The following BAIAP2 variants were observed in gnomAD, a reference collection of about 807,000 sequenced individuals.
The protein encoded by BAIAP2 is BAR/IMD domain containing adaptor protein 2.
Under a neutral mutation model 63.0 loss-of-function variants are expected in BAIAP2, and 18 were observed. The ratio of observed to expected loss-of-function variants is 0.29; its 90% CI spans 0.20 to 0.42. BAIAP2 has a LOEUF of 0.42. Among genes scored for constraint, BAIAP2 ranks in the 10% least tolerant of loss-of-function variants. BAIAP2 has a pLI of 1.00. For missense variants in BAIAP2, 610 were observed against 734.3 expected (o/e 0.83, Z 1.96); for synonymous variants, 386 against 307.6 (o/e 1.25, Z -2.67).
intron 1 of BAIAP2, among the ~76,000 whole-genome samples, chr17:81,043,994 C>T (rs181683294): frequency 6.6e-6 from 1 of 152,352 alleles, no homozygotes; most frequent in East Asian, 1.9e-4. Context: ...ACAGAAAGTT[C>T]TTCAGAGATC....
chr17:81,116,242 C>G lies in BAIAP2; in HGVS notation c.*403C>G. ...TCTCCTGCACCAGGTGTGATCTGTC[C>G]GCCCAAGGGCCAGAAGGCCGGGAGC... On this transcript the variant is annotated 3_prime_UTR_variant, in exon 14 of 14. Coordinates refer to ENST00000428708, the MANE Select transcript of BAIAP2 (RefSeq NM_001144888.2). The G allele has an allele frequency of 6.2e-7, 1 of 1,612,770 alleles. No homozygotes were observed. The highest frequency in any genetic ancestry group is 2.2e-5 in the East Asian group (1 of 44,892).
intron 6 of BAIAP2, among the ~76,000 whole-genome samples, chr17:81,093,962 G>C (rs1333308867): frequency 7.7e-6 from 1 of 129,302 alleles, no homozygotes. Context: ...GAGGACAGCC[G>C]TGTGGCCATG....
chr17:81,111,670 A>G (rs2059943818), intron 13 of BAIAP2, among the ~76,000 whole-genome samples: 1 of 152,160 alleles, frequency 6.6e-6, no homozygotes, highest in Non-Finnish European at 1.5e-5. Context: ...GTCTGAGTCC[A>G]TTTCCTCACG....
chr17:81,084,571 C>T (rs937148602), intron 3 of BAIAP2, among the ~76,000 whole-genome samples: 2 of 152,190 alleles, frequency 1.3e-5, no homozygotes, highest in African/African-American at 4.8e-5. Flanking sequence ...TCCTGTCTCT[C>T]GCCTTTGCAG....
chr17:81,081,297 C>T (rs559026205), intron 3 of BAIAP2, among the ~76,000 whole-genome samples: 39 of 152,310 alleles, frequency 2.6e-4, no homozygotes, highest in African/African-American at 6.7e-4. Context: ...CTGCCTCCCC[C>T]GGGGTCCCAC....
At chr17:81,072,004 T>C (rs953119463) in intron 3 of BAIAP2, among the ~76,000 whole-genome samples, 10 of 152,170 alleles carry the variant, frequency 6.6e-5, no homozygotes, top group African/African-American at 1.9e-4. Flanking sequence ...GCTTCCGGCC[T>C]CCCCGGCCTT....
rs2060573526 is a variant in BAIAP2 at position 81,117,285 on chromosome 17, C to G, written c.*1446C>G. 1 of 152,228 alleles carries G rather than the reference C, an allele frequency of 6.6e-6. No homozygotes were observed. The highest frequency in any genetic ancestry group is 2.4e-5 in the African/African-American group (1 of 41,446). The allele number at this position is 152,228 out of a possible 1,614,324, so 9.4% of individuals were successfully genotyped here. ...ATCATCGGCAGACCTCAGAAGACAA[C>G]ACACAAAGGTTTCTTTTGTCTTAGC... On this transcript the variant is annotated 3_prime_UTR_variant, in exon 14 of 14. Coordinates refer to ENST00000428708, the MANE Select transcript of BAIAP2 (RefSeq NM_001144888.2).
chr17:81,113,422 A>G (rs1278561125), intron 13 of BAIAP2, among the ~76,000 whole-genome samples: 1 of 152,246 alleles, frequency 6.6e-6, no homozygotes, highest in Non-Finnish European at 1.5e-5. Flanking sequence ...CTTGGGCTGC[A>G]GACTTTGTCA....
At chr17:81,062,276 G>C (rs575960160) in intron 3 of BAIAP2, among the ~76,000 whole-genome samples, 1 of 150,894 alleles carries the variant, frequency 6.6e-6, no homozygotes, top group South Asian at 2.1e-4. Context: ...TAGAACAAAA[G>C]TATTTAATTT....
At chr17:81,053,635 C>T (rs1004030191) in intron 1 of BAIAP2, 33 bp from the exon 2 acceptor site, 46 of 1,612,618 alleles carry the variant, frequency 2.9e-5, no homozygotes, top group Non-Finnish European at 3.8e-5. Flanking sequence ...TGACCTCTGC[C>T]AGTAATGCTG....
At chr17:81,074,452 G>A (rs1294193354) in intron 3 of BAIAP2, among the ~76,000 whole-genome samples, 4 of 151,760 alleles carry the variant, frequency 2.6e-5, no homozygotes, top group Admixed American at 1.3e-4. Context: ...ATACATGTGA[G>A]TGCCAGTGTG....
intron 1 of BAIAP2, among the ~76,000 whole-genome samples, chr17:81,044,865 A>G (rs1413490533): frequency 6.6e-6 from 1 of 152,210 alleles, no homozygotes; most frequent in African/African-American, 2.4e-5. Context: ...GCCACAGGCG[A>G]AAGGCAGCCG....
chr17:81,062,448 A>G (rs1320281707), intron 3 of BAIAP2, among the ~76,000 whole-genome samples: 3 of 152,084 alleles, frequency 2.0e-5, no homozygotes, highest in African/African-American at 4.8e-5. Flanking sequence ...TTCATTTTCA[A>G]TGCGCCATCA....
chr17:81,096,474 C>T (rs1423622859), intron 6 of BAIAP2, among the ~76,000 whole-genome samples: 2 of 152,284 alleles, frequency 1.3e-5, no homozygotes, highest in Admixed American at 6.5e-5. Context: ...ACCCCAGCAT[C>T]CCTGGCAGTT....
At chr17:81,055,573 TG>T (rs1214598516) in intron 2 of BAIAP2, among the ~76,000 whole-genome samples, 6 of 113,232 alleles carry the variant, frequency 5.3e-5, no homozygotes, top group Non-Finnish European at 9.2e-5. Context: ...CAGGGTGTTT[TG>T]TTTTTTTTTG....
At chr17:81,053,225 A>AG (rs1568080258) in intron 1 of BAIAP2, 1 of 172,144 alleles carries the variant, frequency 5.8e-6, no homozygotes, top group Non-Finnish European at 1.2e-5. Flanking sequence ...TTGGTAATTG[A>AG]TGTGTTGAGC....
chr17:81,095,882 C>T (rs967116129), intron 6 of BAIAP2, among the ~76,000 whole-genome samples: 12 of 152,084 alleles, frequency 7.9e-5, no homozygotes, highest in South Asian at 2.1e-4. Flanking sequence ...GGGAGGCTGC[C>T]GTACCCTGCT....
intron 7 of BAIAP2, among the ~76,000 whole-genome samples, chr17:81,101,880 GTGGAGCGCAGGC>G (rs2058535495): frequency 6.6e-6 from 1 of 152,148 alleles, no homozygotes; most frequent in Non-Finnish European, 1.5e-5. Context: ...AGGGAGCGCT[GTGGAGCGCAGGC>G]CTCCCGCCTG....
At chr17:81,105,186 C>T in intron 10 of BAIAP2, 1 of 154,500 alleles carries the variant, frequency 6.5e-6, no homozygotes, top group South Asian at 1.5e-4. Flanking sequence ...GGTCTCCCCC[C>T]AATGGCTCGG....
Sources: gnomAD v4.1 joint callset for allele counts (sites outside exome capture counted in the v4.1 genomes callset) on GRCh38, gnomAD v4.1.1 for gene constraint, MANE v1.5 for transcripts, NCBI Gene and HGNC (gene_info 2026-07-23, HGNC 2026-07-21) for gene names.